The following SLC1A7 variants were observed in gnomAD, a reference collection of about 807,000 sequenced individuals.
SLC1A7 encodes solute carrier family 1 member 7.
Under a neutral mutation model 47.7 loss-of-function variants are expected in SLC1A7, and 40 were observed. The observed-to-expected ratio is 0.84, with a 90% confidence interval of 0.65 to 1.09. The LOEUF is 1.09. Among genes scored for constraint, SLC1A7 ranks in the 50% least tolerant of loss-of-function variants. The probability of loss-of-function intolerance (pLI) is 0.00; values close to 1 mark genes in which losing one functional copy is unlikely to be tolerated. For missense variants in SLC1A7, 746 were observed against 769.5 expected, an observed-to-expected ratio of 0.97 and a Z score of 0.36; for synonymous variants, 323 against 325.6, an observed-to-expected ratio of 0.99 and a Z score of 0.09.
intron 3 of SLC1A7, among the ~76,000 whole-genome samples, chr1:53,106,064 T>A (rs1254982770): frequency 6.6e-6 from 1 of 151,988 alleles, no homozygotes; most frequent in African/African-American, 2.4e-5. Context: ...CTACCACAGA[T>A]CAAGCACCTC....
chr1:53,117,157 C>A (rs1644771252), intron 2 of SLC1A7, among the ~76,000 whole-genome samples: 1 of 152,122 alleles, frequency 6.6e-6, no homozygotes, highest in Non-Finnish European at 1.5e-5. Flanking sequence ...GGAGATGGGG[C>A]AGACATGCGC....
At chr1:53,142,104 C>T (rs1397672723) in intron 1 of SLC1A7, among the ~76,000 whole-genome samples, 1 of 152,206 alleles carries the variant, frequency 6.6e-6, no homozygotes, top group Non-Finnish European at 1.5e-5. Context: ...TTTGTAATCA[C>T]TCCCCAGCCA....
chr1:53,090,836 GCA>G (rs1644413642), intron 7 of SLC1A7, 30 bp from the exon 8 acceptor site: 9 of 1,583,774 alleles, frequency 5.7e-6, no homozygotes, highest in Non-Finnish European at 7.7e-6. Flanking sequence ...TGTCTGCCCA[GCA>G]CCCTCCTCCA....
intron 6 of SLC1A7, among the ~76,000 whole-genome samples, chr1:53,093,112 G>A: frequency 6.6e-6 from 1 of 152,218 alleles, no homozygotes; most frequent in South Asian, 2.1e-4. Flanking sequence ...CCTGGACTCT[G>A]AACTGTGGGC....
chr1:53,139,288 T>G (rs1253382510), intron 1 of SLC1A7, among the ~76,000 whole-genome samples: 2 of 152,164 alleles, frequency 1.3e-5, no homozygotes, highest in Admixed American at 6.5e-5. Flanking sequence ...GTGAGAGAAG[T>G]CTCTTCCTGC....
chr1:53,095,796 C>T (rs1199566555), intron 5 of SLC1A7, among the ~76,000 whole-genome samples: 1 of 149,602 alleles, frequency 6.7e-6, no homozygotes, highest in Non-Finnish European at 1.5e-5. Context: ...CACCTCGGTA[C>T]ATTCACCCCG....
chr1:53,139,633 G>T (rs1355528929), intron 1 of SLC1A7, among the ~76,000 whole-genome samples: 1 of 152,184 alleles, frequency 6.6e-6, no homozygotes, highest in Non-Finnish European at 1.5e-5. Context: ...GCTCTGTTAC[G>T]TTCTGGAGTC....
intron 3 of SLC1A7, 56 bp from the exon 4 acceptor site, chr1:53,105,830 G>A (rs1295346678): frequency 3.3e-6 from 5 of 1,494,770 alleles, no homozygotes; most frequent in Non-Finnish European, 4.7e-6. Context: ...GAGGGCCCTG[G>A]GGGTTGTGGC....
At chr1:53,127,452 C>T (rs1644895248) in intron 2 of SLC1A7, among the ~76,000 whole-genome samples, 2 of 152,190 alleles carry the variant, frequency 1.3e-5, no homozygotes, top group African/African-American at 4.8e-5. Context: ...TTCTGAAAGA[C>T]ATCCAGCTGC....
intron 4 of SLC1A7, among the ~76,000 whole-genome samples, chr1:53,105,511 C>A (rs1572319796): frequency 6.6e-6 from 1 of 152,266 alleles, no homozygotes; most frequent in East Asian, 1.9e-4. Flanking sequence ...CACCCCCACA[C>A]TTTTTCATCA....
intron 3 of SLC1A7, chr1:53,114,480 C>A: frequency 2.1e-6 from 1 of 473,354 alleles, no homozygotes; most frequent in Non-Finnish European, 3.8e-6. Flanking sequence ...AGCCTCCCAC[C>A]CTACAGGCTG....
chr1:53,114,434 A>G (rs1644732986), intron 3 of SLC1A7: 1 of 356,748 alleles, frequency 2.8e-6, no homozygotes, highest in Non-Finnish European at 5.2e-6. Context: ...CTGTAAAAAG[A>G]GGACCAATAA....
intron 5 of SLC1A7, among the ~76,000 whole-genome samples, chr1:53,096,408 C>G (rs1371348997): frequency 6.6e-6 from 1 of 151,214 alleles, no homozygotes; most frequent in Admixed American, 6.6e-5. Context: ...CACGCCTCGC[C>G]TCGGTACACT....
chr1:53,142,068 G>A (rs768215026), intron 1 of SLC1A7, among the ~76,000 whole-genome samples: 39 of 152,092 alleles, frequency 2.6e-4, no homozygotes, highest in Non-Finnish European at 4.6e-4. Flanking sequence ...AGGCACCCTC[G>A]CCTCTCCTCA....
In SLC1A7 at chr1:53,115,394, CTCT is replaced by C; in HGVS notation, c.216-424_216-422del. On this transcript the variant is annotated intron_variant, in intron 2 of 10. Transcript: ENST00000371494. Reference sequence around the variant, plus strand: ...CCAGGCAGGACCAAGCTTGGTCTACCTCTGAGATCTACCTGCCTCTCCCCCAGA... The same window carrying C: ...CCAGGCAGGACCAAGCTTGGTCTACCGAGATCTACCTGCCTCTCCCCCAGA... 1.8e-4 allele frequency: 37 copies of C among 206,196 alleles called. No individual in the cohort carries two copies. In the East Asian group the frequency reaches 2.7e-3, roughly 15 times the overall value. The allele number at this position is 206,196 out of a possible 1,614,324, so 12.8% of individuals were successfully genotyped here.
At position 53,103,550 on chromosome 1, in the gene SLC1A7, G is replaced by A. The variant is rs1437660409; in HGVS notation, c.493C>T (p.Pro165Ser). The A allele has an allele frequency of 6.2e-7, 1 of 1,602,334 alleles. No homozygotes were observed. The highest frequency in any genetic ancestry group is 2.2e-5 in the East Asian group (1 of 44,740). ...GCCACCTTGGGGGACTTGACAACTG[G>A]GGTGGTCTTGGTGCGGTACTGGTGG... The part of the protein sequence containing the change: ...TFKQYRTKTT[P>S]VVKSPKVAPE... Residue 165 changes from proline (P) to serine (S), a missense_variant, in exon 5 of 11, where the codon CCA becomes TCA. Pro to Ser is a moderately conservative substitution (Grantham distance 74). Transcript: ENST00000371494.
At chr1:53,109,336 G>GT (rs1644677965) in intron 3 of SLC1A7, among the ~76,000 whole-genome samples, 1 of 152,180 alleles carries the variant, frequency 6.6e-6, no homozygotes, top group Non-Finnish European at 1.5e-5. Context: ...TCTCTGTGGT[G>GT]TTTTAATAAG....
chr1:53,122,074 G>A (rs897948940), intron 2 of SLC1A7, among the ~76,000 whole-genome samples: 3 of 152,090 alleles, frequency 2.0e-5, no homozygotes, highest in Admixed American at 6.5e-5. Flanking sequence ...GGAATGCTGG[G>A]GATGATGGGA....
At chr1:53,121,376 G>A (rs1330306342) in intron 2 of SLC1A7, among the ~76,000 whole-genome samples, 1 of 152,234 alleles carries the variant, frequency 6.6e-6, no homozygotes, top group African/African-American at 2.4e-5. Context: ...AATGCCCACG[G>A]TGTTGTGTGT....
Sources: gnomAD v4.1 joint callset for allele counts (sites outside exome capture counted in the v4.1 genomes callset) on GRCh38, gnomAD v4.1.1 for gene constraint, MANE v1.5 for transcripts, NCBI Gene and HGNC (gene_info 2026-07-23, HGNC 2026-07-21) for gene names.